The following SETBP1 variants were observed in gnomAD, a reference collection of about 807,000 sequenced individuals.
The protein encoded by SETBP1 is SET binding protein 1, also known as SET-binding protein.
Under a neutral mutation model 101.0 loss-of-function variants are expected in SETBP1, and 9 were observed. The ratio of observed to expected loss-of-function variants is 0.09; its 90% CI spans 0.05 to 0.16. SETBP1 has a LOEUF of 0.16. Among genes scored for constraint, SETBP1 ranks in the 10% least tolerant of loss-of-function variants. SETBP1 has a pLI of 1.00. For missense variants in SETBP1, 1,858 were observed against 2,033.8 expected, an observed-to-expected ratio of 0.91 and a Z score of 1.66; for synonymous variants, 818 against 788.5, an observed-to-expected ratio of 1.04 and a Z score of -0.63.
chr18:44,871,992 C>T lies in SETBP1; in HGVS notation c.540+2709C>T, dbSNP rs147157832. On this transcript the variant is annotated intron_variant, in intron 3 of 5. Coordinates refer to ENST00000649279, the MANE Select transcript of SETBP1 (RefSeq NM_015559.3). ...AATTCACACCTAACCCACCCTGACT[C>T]TTCTACCTCCAAACACATCTCCTTT... 33 of 152,330 alleles carry T rather than the reference C, an allele frequency of 2.2e-4. No homozygotes were observed. The East Asian group carries it at 6.0e-3, about 28-fold the overall frequency. The allele number at this position is 152,330 out of a possible 1,614,324, so 9.4% of individuals were successfully genotyped here. A position where few individuals can be genotyped will look rare whatever the true frequency, so the allele number is the denominator to read the frequency against.
chr18:44,752,590 T>C (rs2070408412), intron 2 of SETBP1, among the ~76,000 whole-genome samples: 1 of 152,232 alleles, frequency 6.6e-6, no homozygotes, highest in African/African-American at 2.4e-5. Context: ...GAAATGAGTA[T>C]ACTGGACAAA....
At chr18:44,688,975 G>A (rs1181957853) in intron 1 of SETBP1, among the ~76,000 whole-genome samples, 2 of 152,214 alleles carry the variant, frequency 1.3e-5, no homozygotes, top group Non-Finnish European at 2.9e-5. Context: ...TGTGGCTTTT[G>A]CCCTGGGAGA....
chr18:44,717,730 C>T (rs1207271074), intron 2 of SETBP1, among the ~76,000 whole-genome samples: 1 of 152,244 alleles, frequency 6.6e-6, no homozygotes, highest in Non-Finnish European at 1.5e-5. Flanking sequence ...CCTCCTCTCA[C>T]TGGTGGACTA....
chr18:44,777,414 A>G (rs540934922), intron 2 of SETBP1, among the ~76,000 whole-genome samples: 1 of 152,306 alleles, frequency 6.6e-6, no homozygotes, highest in African/African-American at 2.4e-5. Context: ...TCTCTCCATC[A>G]GCATTAACTG....
chr18:44,873,870 T>C (rs78700934), intron 3 of SETBP1, among the ~76,000 whole-genome samples: 14,366 of 152,234 alleles, frequency 0.094, 766 homozygotes, highest in East Asian at 0.15. Flanking sequence ...TGTTACCCAG[T>C]TTCAATGGTA....
intron 4 of SETBP1, among the ~76,000 whole-genome samples, chr18:44,997,455 A>G (rs1052496322): frequency 2.0e-5 from 3 of 152,216 alleles, no homozygotes; most frequent in African/African-American, 4.8e-5. Flanking sequence ...ACTTTTCTGC[A>G]AAGTTCTAGC....
chr18:44,898,767 G>A (rs146896660), intron 3 of SETBP1, among the ~76,000 whole-genome samples: 2 of 152,296 alleles, frequency 1.3e-5, no homozygotes, highest in African/African-American at 2.4e-5. Flanking sequence ...GGAAACAGGA[G>A]GGGACACACC....
intron 1 of SETBP1, among the ~76,000 whole-genome samples, chr18:44,698,777 T>G (rs1196578004): frequency 6.6e-6 from 1 of 152,234 alleles, no homozygotes; most frequent in Non-Finnish European, 1.5e-5. Context: ...TCATCAAAAG[T>G]GTAACTTCCT....
At chr18:45,052,098 T>TG (rs1382911656) in intron 5 of SETBP1, among the ~76,000 whole-genome samples, 6 of 152,268 alleles carry the variant, frequency 3.9e-5, no homozygotes, top group Admixed American at 1.3e-4. Context: ...CCCCGTACAG[T>TG]GCCTGGCACA....
At chr18:44,809,247 G>A (rs2071809762) in intron 2 of SETBP1, among the ~76,000 whole-genome samples, 1 of 152,096 alleles carries the variant, frequency 6.6e-6, no homozygotes, top group African/African-American at 2.4e-5. Context: ...AAAGATGAAA[G>A]TTTAAAAAAA....
intron 2 of SETBP1, among the ~76,000 whole-genome samples, chr18:44,788,770 ATTTTTTTTTTTCCTTTTTAATTTTTT>A (rs1326392539): frequency 1.6e-5 from 2 of 125,140 alleles, no homozygotes. Flanking sequence ...AGAGAAACTG[ATTTTTTTTTTTCCTTTTTAATTTTTT>A]TTTTTTTTTT....
chr18:44,686,829 A>C (rs2068848423), intron 1 of SETBP1, among the ~76,000 whole-genome samples: 4 of 152,144 alleles, frequency 2.6e-5, no homozygotes, highest in African/African-American at 9.7e-5. Context: ...TTCTCCCTTA[A>C]AGTTTAAGAG....
At chr18:44,931,448 A>G (rs922589401) in intron 3 of SETBP1, among the ~76,000 whole-genome samples, 1 of 152,146 alleles carries the variant, frequency 6.6e-6, no homozygotes, top group African/African-American at 2.4e-5. Flanking sequence ...GTACATGTCT[A>G]TTAGGTCCAC....
At chr18:45,062,009 T>C (rs942487933) in intron 5 of SETBP1, among the ~76,000 whole-genome samples, 3 of 152,036 alleles carry the variant, frequency 2.0e-5, no homozygotes, top group Admixed American at 1.3e-4. Flanking sequence ...TCTGTGTGAG[T>C]GTATGTGCCC....
intron 3 of SETBP1, among the ~76,000 whole-genome samples, chr18:44,925,847 C>A (rs974042420): frequency 8.5e-5 from 13 of 152,172 alleles, no homozygotes; most frequent in African/African-American, 3.1e-4. Flanking sequence ...GTGATCAATT[C>A]TTTATTATAG....
chr18:45,038,354 T>A, intron 4 of SETBP1, 131 bp from the exon 5 acceptor site: 1 of 884,794 alleles, frequency 1.1e-6, no homozygotes, highest in South Asian at 1.4e-5. Context: ...ATTTTTAAAT[T>A]TCATTCTTGT....
chr18:44,680,421 C>T (rs1339044834), upstream of SETBP1: 1 of 151,774 alleles, frequency 6.6e-6, no homozygotes, highest in African/African-American at 2.4e-5. Context: ...GACCTTGGCC[C>T]GGGAGCCCGG....
At position 44,880,456 on chromosome 18, in the gene SETBP1, A is replaced by G. The variant is rs77294176; in HGVS notation, c.540+11173A>G. Reference sequence around the variant, plus strand: ...TCCCGCCTTTGATATGTGTAGGAACAGAAATCCCAAAGTAAAGAACATGGG... The same window carrying G: ...TCCCGCCTTTGATATGTGTAGGAACGGAAATCCCAAAGTAAAGAACATGGG... On this transcript the variant is annotated intron_variant, in intron 3 of 5. Coordinates refer to ENST00000649279, the MANE Select transcript of SETBP1 (RefSeq NM_015559.3). Among the ~76,000 whole-genome samples the G allele has an allele frequency of 5.3e-3, 811 of 152,360 alleles. 8 individuals are homozygous for G. The highest frequency in any genetic ancestry group is 0.019 in the African/African-American group (772 of 41,588).
intron 3 of SETBP1, among the ~76,000 whole-genome samples, chr18:44,900,528 T>C (rs2070018770): frequency 6.6e-6 from 1 of 152,224 alleles, no homozygotes; most frequent in South Asian, 2.1e-4. Context: ...TTGAGTGATT[T>C]ATTTTCTCTG....
Sources: gnomAD v4.1 joint callset for allele counts (sites outside exome capture counted in the v4.1 genomes callset) on GRCh38, gnomAD v4.1.1 for gene constraint, MANE v1.5 for transcripts, NCBI Gene and HGNC (gene_info 2026-07-23, HGNC 2026-07-21) for gene names.